The following LRRTM4 variants were observed in gnomAD, a reference collection of about 807,000 sequenced individuals.
LRRTM4 encodes the protein leucine-rich repeat transmembrane neuronal protein 4.
In LRRTM4, 25 loss-of-function variants were observed where a neutral mutation model predicts 47.6. That is an observed-to-expected ratio of 0.53 (90% CI 0.38 to 0.73). The LOEUF (loss-of-function observed/expected upper bound fraction) is 0.73, where lower values mean the gene tolerates loss of function less well. Ranked by LOEUF, LRRTM4 falls within the 30% of genes least tolerant of loss-of-function variation. The probability of loss-of-function intolerance (pLI) is 0.00; values close to 1 mark genes in which losing one functional copy is unlikely to be tolerated. For missense variants in LRRTM4, 638 were observed against 713.4 expected (o/e 0.89, Z 1.20); for synonymous variants, 311 against 269.5 (o/e 1.15, Z -1.51).
At chr2:77,223,329 A>G (rs1055103123) in intron 3 of LRRTM4, among the ~76,000 whole-genome samples, 3 of 152,206 alleles carry the variant, frequency 2.0e-5, no homozygotes, top group African/African-American at 7.2e-5. Context: ...CACCACTCCT[A>G]TTCAACATAG....
intron 3 of LRRTM4, among the ~76,000 whole-genome samples, chr2:77,132,889 G>A (rs1490029924): frequency 6.6e-6 from 1 of 152,234 alleles, no homozygotes; most frequent in Non-Finnish European, 1.5e-5. Context: ...AGAAGGAGTA[G>A]GTGTAGAACA....
intron 3 of LRRTM4, among the ~76,000 whole-genome samples, chr2:77,042,978 G>T (rs113501242): frequency 0.017 from 2,654 of 151,700 alleles, 80 homozygotes; most frequent in African/African-American, 0.061. Context: ...AGATGGTGGG[G>T]GTTTCTTAGG....
intron 3 of LRRTM4, among the ~76,000 whole-genome samples, chr2:77,043,064 G>A (rs189554536): frequency 1.7e-3 from 259 of 151,806 alleles, no homozygotes; most frequent in African/African-American, 5.8e-3. Flanking sequence ...CCATGGTTTC[G>A]TTAGGCCTAC....
intron 3 of LRRTM4, among the ~76,000 whole-genome samples, chr2:76,973,636 G>A (rs185603742): frequency 6.8e-4 from 103 of 151,846 alleles, no homozygotes; most frequent in Non-Finnish European, 6.9e-4. Flanking sequence ...TACTTTTGAC[G>A]GTATGCTCAT....
chr2:77,375,795 T>C (rs926478435), intron 3 of LRRTM4, among the ~76,000 whole-genome samples: 6 of 151,828 alleles, frequency 4.0e-5, no homozygotes, highest in Admixed American at 3.3e-4. Context: ...ATAGTATTCA[T>C]TGCATGTATG....
At chr2:77,462,722 C>T (rs779399840) in intron 3 of LRRTM4, among the ~76,000 whole-genome samples, 8 of 152,020 alleles carry the variant, frequency 5.3e-5, no homozygotes, top group East Asian at 3.9e-4. Context: ...GGCTTTTAAA[C>T]GGAAACAAAG....
chr2:77,030,699 G>A (rs896817644), intron 3 of LRRTM4, among the ~76,000 whole-genome samples: 1 of 152,114 alleles, frequency 6.6e-6, no homozygotes, highest in South Asian at 2.1e-4. Flanking sequence ...GAACTTAGAT[G>A]AGTCAAATAC....
In LRRTM4 at chr2:77,411,607, C is replaced by T. The variant is rs555575398; in HGVS notation, c.1551+106711G>A. On this transcript the variant is annotated intron_variant, in intron 3 of 3. Transcript: ENST00000409884. The stretch of plus-strand genomic sequence containing the variant: ...AGCTGAGACAACAGGCCCCCGCCAC[C>T]ATGCCCGGCTATTTTTTTTTTTTTT... Among the ~76,000 whole-genome samples the T allele has an allele frequency of 5.5e-5, 8 of 146,610 alleles. No homozygotes were observed. The East Asian group carries it at 1.2e-3, about 22-fold the overall frequency.
At chr2:77,079,871 T>C (rs1680474577) in intron 3 of LRRTM4, among the ~76,000 whole-genome samples, 2 of 152,078 alleles carry the variant, frequency 1.3e-5, no homozygotes, top group Non-Finnish European at 2.9e-5. Flanking sequence ...TTTAAAATGA[T>C]TTCTACAATT....
intron 3 of LRRTM4, among the ~76,000 whole-genome samples, chr2:77,144,775 A>T (rs960954485): frequency 2.0e-5 from 3 of 152,170 alleles, no homozygotes; most frequent in African/African-American, 7.2e-5. Flanking sequence ...AAGAGAAAAA[A>T]AAAGCACTAG....
intron 3 of LRRTM4, among the ~76,000 whole-genome samples, chr2:77,103,270 C>T (rs542411309): frequency 2.4e-4 from 36 of 152,094 alleles, no homozygotes; most frequent in African/African-American, 6.7e-4. Flanking sequence ...ATATGTTTAC[C>T]GCAGAAAATA....
At chr2:77,145,978 C>T (rs950231320) in intron 3 of LRRTM4, among the ~76,000 whole-genome samples, 1 of 151,998 alleles carries the variant, frequency 6.6e-6, no homozygotes, top group Admixed American at 6.6e-5. Context: ...TTCAGTATGC[C>T]ACCTTTCATC....
chr2:77,183,032 T>A (rs1185076393), intron 3 of LRRTM4, among the ~76,000 whole-genome samples: 1 of 152,170 alleles, frequency 6.6e-6, no homozygotes, highest in Non-Finnish European at 1.5e-5. Context: ...GGGCAAGGAC[T>A]TCATGACTAA....
chr2:76,883,414 C>T (rs910092929), intron 3 of LRRTM4, among the ~76,000 whole-genome samples: 2 of 152,116 alleles, frequency 1.3e-5, no homozygotes, highest in Non-Finnish European at 2.9e-5. Context: ...TACACTTCAC[C>T]TTTAGCACTT....
At chr2:77,330,672 T>C (rs1390043962) in intron 3 of LRRTM4, among the ~76,000 whole-genome samples, 2 of 152,328 alleles carry the variant, frequency 1.3e-5, no homozygotes, top group African/African-American at 4.8e-5. Context: ...ATTAATAAAA[T>C]ATGACAAATT....
chr2:76,858,078 T>C (rs1011926597), intron 3 of LRRTM4, among the ~76,000 whole-genome samples: 11 of 152,000 alleles, frequency 7.2e-5, no homozygotes, highest in Admixed American at 5.3e-4. Flanking sequence ...AAATGGGCAA[T>C]AGATATCTAT....
chr2:77,367,813 T>C (rs1248000867), intron 3 of LRRTM4, among the ~76,000 whole-genome samples: 2 of 151,880 alleles, frequency 1.3e-5, no homozygotes, highest in Non-Finnish European at 2.9e-5. Context: ...CATTAAACAA[T>C]TAGAGATTAC....
At chr2:76,942,038 T>G (rs538090850) in intron 3 of LRRTM4, among the ~76,000 whole-genome samples, 3 of 152,224 alleles carry the variant, frequency 2.0e-5, no homozygotes, top group Non-Finnish European at 4.4e-5. Context: ...CATTGTGGTT[T>G]TGATTTGCAT....
At chr2:77,309,027 G>T (rs1043218102) in intron 3 of LRRTM4, among the ~76,000 whole-genome samples, 3 of 152,108 alleles carry the variant, frequency 2.0e-5, no homozygotes, top group Non-Finnish European at 4.4e-5. Context: ...AAACAGAAAT[G>T]TAAATAAAAG....
Sources: gnomAD v4.1 joint callset for allele counts (sites outside exome capture counted in the v4.1 genomes callset) on GRCh38, gnomAD v4.1.1 for gene constraint, MANE v1.5 for transcripts, NCBI Gene and HGNC (gene_info 2026-07-23, HGNC 2026-07-21) for gene names.